The following DBN1 variants were observed in gnomAD, a reference collection of about 807,000 sequenced individuals.
The protein encoded by DBN1 is drebrin.
Under a neutral mutation model 83.5 loss-of-function variants are expected in DBN1, and 21 were observed. The ratio of observed to expected loss-of-function variants is 0.25; its 90% CI spans 0.18 to 0.36. The LOEUF is 0.36. Among genes scored for constraint, DBN1 ranks in the 10% least tolerant of loss-of-function variants. The probability of loss-of-function intolerance (pLI) is 1.00; values close to 1 mark genes in which losing one functional copy is unlikely to be tolerated. For synonymous variants in DBN1, 381 were observed against 384.9 expected (o/e 0.99, Z 0.12); for missense variants, 874 against 935.7 (o/e 0.93, Z 0.86).
intron 8 of DBN1, chr5:177,462,328 C>G: frequency 2.0e-6 from 2 of 985,566 alleles, no homozygotes; most frequent in Non-Finnish European, 2.4e-6. Flanking sequence ...GGAGACTGGC[C>G]TCCCTCCCAA....
At position 177,473,417 on chromosome 5, in the gene DBN1, G is replaced by T. The variant is rs1255898795; in HGVS notation, c.86+19C>A. On this transcript the variant is annotated intron_variant, in intron 1 of 14. Transcript: ENST00000393565. ...CGGCGCGGGGACAAAGGGGCCGGGG[G>T]CGGGGGCGGGGGGCTCACCAGTCGG... 7.6e-7 allele frequency: 1 copy of T among 1,320,102 alleles called. No individual in the cohort carries two copies. 81.8% of individuals were successfully genotyped at this position (1,320,102 alleles called of 1,614,324 possible). A position where few individuals can be genotyped will look rare whatever the true frequency, so the allele number is the denominator to read the frequency against.
chr5:177,469,251 G>A (rs904486174), intron 1 of DBN1, among the ~76,000 whole-genome samples: 8 of 152,064 alleles, frequency 5.3e-5, no homozygotes, highest in Admixed American at 2.0e-4. Context: ...TGGCTACCAG[G>A]ATCCTCATCC....
intron 8 of DBN1, among the ~76,000 whole-genome samples, chr5:177,463,194 G>A (rs945602945): frequency 6.6e-6 from 1 of 152,240 alleles, no homozygotes; most frequent in African/African-American, 2.4e-5. Context: ...CCGCCACCAC[G>A]CTCGGCTAAT....
chr5:177,462,866 T>C (rs867994734), intron 8 of DBN1, among the ~76,000 whole-genome samples: 3 of 152,090 alleles, frequency 2.0e-5, no homozygotes, highest in South Asian at 4.1e-4. Context: ...TTGCTCTCCT[T>C]TCCCAATCAA....
Position 177,459,082 on chromosome 5 carries a change from A to C in DBN1, c.1264+16T>G. ...TGATGATGGGAGGCCTGGTGCAGGT[A>C]GCATCCCTCTCTCACCTTGGGCTGG... On this transcript the variant is annotated intron_variant, in intron 12 of 14. Coordinates refer to ENST00000393565, the MANE Select transcript of DBN1 (RefSeq NM_001363541.2). The C allele has an allele frequency of 6.3e-7, 1 of 1,592,244 alleles. No homozygotes were observed. Among genetic ancestry groups the C allele is most frequent in the Non-Finnish European group, 8.5e-7 (1 of 1,170,312 alleles).
intron 8 of DBN1, among the ~76,000 whole-genome samples, chr5:177,465,030 T>A (rs1360563236): frequency 6.6e-5 from 10 of 152,116 alleles, no homozygotes; most frequent in African/African-American, 2.4e-4. Flanking sequence ...GGCGGGCACC[T>A]GTAGTCCCAG....
chr5:177,465,177 T>A (rs1757359119), intron 8 of DBN1, among the ~76,000 whole-genome samples: 1 of 152,200 alleles, frequency 6.6e-6, no homozygotes, highest in Admixed American at 6.5e-5. Context: ...AATAAAAAAA[T>A]TTTAAAAAAC....
At chr5:177,460,086 C>T (rs899151446) in intron 10 of DBN1, among the ~76,000 whole-genome samples, 1 of 152,210 alleles carries the variant, frequency 6.6e-6, no homozygotes, top group Non-Finnish European at 1.5e-5. Context: ...CTCCCTCAGG[C>T]CCGGGGCAAG....
Position 177,459,219 on chromosome 5 carries a change from C to A in DBN1, c.1143G>T (p.Thr381=). 6.2e-7 allele frequency: 1 copy of A among 1,610,966 alleles called. No homozygotes were observed. Among genetic ancestry groups the A allele is most frequent in the Non-Finnish European group, 8.5e-7 (1 of 1,179,082 alleles). The change falls in exon 12 of 15, where the codon ACG becomes ACT. Residue 381 remains threonine, a synonymous_variant. Transcript: ENST00000393565. ...HRRMAPTPIP[T]RSPSDSSTAS... is the part of the protein sequence containing the mutation. ...CGGTGCTGGAGTCAGACGGGCTCCG[C>A]GTGGGGATGGGAGTGGGCGCCATCC...
At chr5:177,471,226 A>G (rs947483830) in intron 1 of DBN1, among the ~76,000 whole-genome samples, 18 of 152,080 alleles carry the variant, frequency 1.2e-4, no homozygotes, top group African/African-American at 3.1e-4. Flanking sequence ...CATCACTCTC[A>G]GGATGGTGGT....
rs142895287 is a variant in DBN1, at chr5:177,472,147, G to A, written c.86+1289C>T. 1.7e-5 allele frequency: 27 copies of A among 1,612,406 alleles called. No homozygotes were observed. The Admixed American group carries it at 2.3e-4, about 14-fold the overall frequency. ...CAGGACACGAGAGCTTGTCTCTCGC[G>A]TCCATCCCTCCAGGCCTGGCTGCTG... On this transcript the variant is annotated intron_variant, in intron 1 of 14. Transcript: ENST00000393565.
Position 177,466,827 on chromosome 5 carries a change from T to C in DBN1, c.716A>G (p.Gln239Arg). The part of the protein sequence containing the change: ...EQQIEEHRRK[Q>R]QTLEAEEAKR... ...GGCCTCTTCCGCTTCTAAAGTCTGCTGTTTCCTCCTGGAACGATAAGCAGC... is the reference window on the plus strand; with the variant it reads ...GGCCTCTTCCGCTTCTAAAGTCTGCCGTTTCCTCCTGGAACGATAAGCAGC... The change falls in exon 8 of 15, where the codon CAG becomes CGG. Residue 239 changes from glutamine to arginine, a missense_variant. Gln to Arg is a conservative substitution (Grantham distance 43, BLOSUM62 1). Around this residue, in one of 4 missense-constraint regions of DBN1, gnomAD observed 725 missense variants for 719.7 expected, o/e 1.01. Transcript: ENST00000393565. The surrounding 1 kb of genome is among the most constrained non-coding windows in gnomAD (Gnocchi z 4.8). 1 of 1,614,162 alleles carries C rather than the reference T, an allele frequency of 6.2e-7. No homozygotes were observed. Among genetic ancestry groups the C allele is most frequent in the Non-Finnish European group, 8.5e-7 (1 of 1,180,014 alleles).
intron 1 of DBN1, among the ~76,000 whole-genome samples, chr5:177,471,696 C>T (rs1757853981): frequency 2.6e-5 from 4 of 152,128 alleles, no homozygotes; most frequent in South Asian, 4.1e-4. Context: ...TGCGAGGGTA[C>T]ATGTGTGCAT....
In DBN1 at chr5:177,460,426, G is replaced by A. The variant is rs769042742; in HGVS notation, c.955+6C>T. The A allele has an allele frequency of 1.1e-5, 18 of 1,613,332 alleles. No homozygotes were observed. Among genetic ancestry groups the A allele is most frequent in the Admixed American group, 8.3e-5 (5 of 60,008 alleles). On this transcript the variant is annotated splice_donor_region_variant and intron_variant, in intron 10 of 14. Coordinates refer to ENST00000393565, the MANE Select transcript of DBN1 (RefSeq NM_001363541.2). ...GGGCCGGACGGGGGGTGGGGCCTAG[G>A]ACTACCTGGTCGATGGTTGAAGGGC...
At chr5:177,472,415 C>T in intron 1 of DBN1, 7 of 1,418,016 alleles carry the variant, frequency 4.9e-6, no homozygotes, top group South Asian at 1.6e-5. Context: ...AAGAGTATTA[C>T]GGGGGGGTTA....
chr5:177,460,415 G>C lies in DBN1; in HGVS notation c.955+17C>G. ...CCTGAGGAGTGGGGCCGGACGGGGG[G>C]TGGGGCCTAGGACTACCTGGTCGAT... On this transcript the variant is annotated intron_variant, in intron 10 of 14. Coordinates refer to ENST00000393565, the MANE Select transcript of DBN1 (RefSeq NM_001363541.2). 1 of 1,613,022 alleles carries C rather than the reference G, an allele frequency of 6.2e-7. No homozygotes were observed. Among genetic ancestry groups the C allele is most frequent in the Non-Finnish European group, 8.5e-7 (1 of 1,179,838 alleles).
chr5:177,465,428 G>C (rs1757377951), intron 8 of DBN1, among the ~76,000 whole-genome samples: 1 of 152,250 alleles, frequency 6.6e-6, no homozygotes, highest in East Asian at 1.9e-4. Flanking sequence ...GAGCTGGCGA[G>C]TGGGGAAGGG....
rs1757545294 is a variant in DBN1, at chr5:177,467,666, C to T, written c.331-39G>A. 1 of 1,560,870 alleles carries T rather than the reference C, an allele frequency of 6.4e-7. No individual in the cohort carries two copies. The highest frequency in any genetic ancestry group is 8.7e-7 in the Non-Finnish European group (1 of 1,152,492). ...ACGGCAGTGCTCAGGCGGCACCATC[C>T]TCCCGCCATCCCCACCCCAGCACGC... On this transcript the variant is annotated intron_variant, in intron 4 of 14. Transcript: ENST00000393565. This position sits in a 1 kb window ranked among gnomAD's most constrained non-coding sequence, Gnocchi z 9.1.
At chr5:177,472,125 GAC>G (rs763561122) in intron 1 of DBN1, 1 of 1,609,720 alleles carries the variant, frequency 6.2e-7, no homozygotes, top group East Asian at 2.3e-5. Context: ...TGACCTGCAG[GAC>G]ACGAGAGCTT....
Sources: allele counts gnomAD v4.1 joint callset (sites outside exome capture counted in the v4.1 genomes callset), GRCh38; gene constraint gnomAD v4.1.1; regional missense constraint gnomAD v4.1.1; non-coding constraint Gnocchi (gnomAD v3.1); transcripts MANE v1.5; gene names NCBI Gene and HGNC (gene_info 2026-07-23, HGNC 2026-07-21).